Variants in TMEM154 observed in about 807,000 individuals in gnomAD.
The protein encoded by TMEM154 is transmembrane protein 154.
TMEM154 carries 27 observed loss-of-function variants against 24.5 expected under a neutral mutation model. The ratio of observed to expected loss-of-function variants is 1.10; its 90% confidence interval spans 0.81 to 1.52. TMEM154 has a LOEUF of 1.52. Among genes scored for constraint, TMEM154 ranks in the 40% most tolerant of loss-of-function variants. TMEM154 has a pLI of 0.00. For missense variants in TMEM154, 228 were observed against 213.4 expected (o/e 1.07, Z -0.43); for synonymous variants, 67 against 76.8 (o/e 0.87, Z 0.67).
At chr4:152,672,266 A>G (rs1387069057) in intron 1 of TMEM154, among the ~76,000 whole-genome samples, 2 of 152,112 alleles carry the variant, frequency 1.3e-5, no homozygotes, top group Non-Finnish European at 2.9e-5. Context: ...AGAAAAAAAA[A>G]GGGTTGTCAT....
At chr4:152,661,597 A>G (rs1271476341) in intron 1 of TMEM154, among the ~76,000 whole-genome samples, 1 of 152,048 alleles carries the variant, frequency 6.6e-6, no homozygotes, top group East Asian at 1.9e-4. Context: ...GTGACAAATA[A>G]CAGATGAGGG....
At position 152,620,305 on chromosome 4, in the gene TMEM154, A is replaced by T. The variant is rs1561039736; in HGVS notation, c.*8241T>A. The T allele has an allele frequency of 1.3e-5, 2 of 152,138 alleles. No individual in the cohort carries two copies. Among genetic ancestry groups the T allele is most frequent in the Non-Finnish European group, 2.9e-5 (2 of 68,024 alleles). The allele number at this position is 152,138 out of a possible 1,614,324, so 9.4% of individuals were successfully genotyped here. ...ACCTAGTGACCAAACCTTTACCAGC[A>T]CTTAGATTTTAAAACTAGGCTTTTT... On this transcript the variant is annotated 3_prime_UTR_variant, in exon 7 of 7. Transcript: ENST00000304385.
At position 152,628,572 on chromosome 4, in the gene TMEM154, A is replaced by T; in HGVS notation, c.537-11T>A. The T allele has an allele frequency of 8.3e-7, 1 of 1,207,770 alleles. No homozygotes were observed. The highest frequency in any genetic ancestry group is 1.4e-5 in the South Asian group (1 of 69,706). 74.8% of individuals were successfully genotyped at this position (1,207,770 alleles called of 1,614,324 possible). A position where few individuals can be genotyped will look rare whatever the true frequency, so the allele number is the denominator to read the frequency against. On this transcript the variant is annotated splice_polypyrimidine_tract_variant and intron_variant, in intron 6 of 6. Coordinates refer to ENST00000304385, the MANE Select transcript of TMEM154 (RefSeq NM_152680.3). ...TAGGATTCACTGTCACTGTAAAAAA[A>T]AAAAAAAAAAAAAAAAAAAACAAAA...
chr4:152,660,571 C>T (rs556797436), intron 1 of TMEM154, among the ~76,000 whole-genome samples: 79 of 152,192 alleles, frequency 5.2e-4, no homozygotes, highest in Non-Finnish European at 1.1e-3. Context: ...CACAACTTGC[C>T]CAAGATCACA....
At chr4:152,667,269 T>C (rs1233776876) in intron 1 of TMEM154, among the ~76,000 whole-genome samples, 2 of 152,240 alleles carry the variant, frequency 1.3e-5, no homozygotes, top group South Asian at 2.1e-4. Context: ...CTTTCTGTCA[T>C]ACATACACGG....
Position 152,644,437 on chromosome 4 carries a change from G to T in TMEM154, c.370C>A (p.Leu124Met), listed in dbSNP as rs781474302. 7 of 1,614,122 alleles carry T rather than the reference G, an allele frequency of 4.3e-6. No individual in the cohort carries two copies. The highest frequency in any genetic ancestry group is 5.9e-6 in the Non-Finnish European group (7 of 1,180,002). ...TACACTTTCACGTTTTCACTTCCCA[G>T]TTCATCTAAAAGGAAATGAACATAA... is the stretch of plus-strand genomic sequence containing the variant. ...GSQSALQTYE[L>M]GSENVKVPIF... Residue 124 changes from leucine (L) to methionine (M), a missense_variant, in exon 4 of 7, where the codon CTG (leucine) becomes ATG (methionine). Transcript: ENST00000304385.
At position 152,652,985 on chromosome 4, in the gene TMEM154, T is replaced by C. The variant is rs1728417641; in HGVS notation, c.65-58A>G. ...TGGAGACAAAGTTAGTATGTTATAT[T>C]GTCAATGATTTTTAAATTATTCCTA... On this transcript the variant is annotated intron_variant, in intron 1 of 6. Transcript: ENST00000304385. 8 of 1,473,478 alleles carry C rather than the reference T, an allele frequency of 5.4e-6. No homozygotes were observed. In the East Asian group the frequency reaches 1.8e-4, roughly 34 times the overall value. 91.3% of individuals were successfully genotyped at this position (1,473,478 alleles called of 1,614,324 possible).
At position 152,628,580 on chromosome 4, in the gene TMEM154, A is replaced by AAC; in HGVS notation, c.537-20_537-19insGT. 7.3e-6 allele frequency: 8 copies of AAC among 1,094,324 alleles called. No individual in the cohort carries two copies. In the African/African-American group the frequency reaches 1.1e-4, roughly 16 times the overall value. 67.8% of individuals were successfully genotyped at this position (1,094,324 alleles called of 1,614,324 possible). A position where few individuals can be genotyped will look rare whatever the true frequency, so the allele number is the denominator to read the frequency against. ...ACTGTCACTGTAAAAAAAAAAAAAA[A>AAC]AAAAAAAAAAAACAAAAAAAACACA... On this transcript the variant is annotated intron_variant, in intron 6 of 6. Transcript: ENST00000304385.
intron 3 of TMEM154, among the ~76,000 whole-genome samples, chr4:152,645,712 T>G (rs570396706): frequency 1.2e-4 from 18 of 152,338 alleles, no homozygotes; most frequent in Non-Finnish European, 2.1e-4. Context: ...AGCAGACACC[T>G]GGAACTGAGT....
At chr4:152,648,863 G>C (rs370548457) in intron 3 of TMEM154, among the ~76,000 whole-genome samples, 1 of 152,152 alleles carries the variant, frequency 6.6e-6, no homozygotes, top group East Asian at 1.9e-4. Flanking sequence ...GTTTGGGGAA[G>C]GAAATTATGA....
chr4:152,630,347 C>T (rs937070958), intron 6 of TMEM154, among the ~76,000 whole-genome samples: 4 of 138,434 alleles, frequency 2.9e-5, no homozygotes, highest in South Asian at 2.4e-4. Context: ...CATATCAAAA[C>T]GTATTTCAAA....
chr4:152,659,010 G>C (rs1426218714), intron 1 of TMEM154, among the ~76,000 whole-genome samples: 6 of 151,884 alleles, frequency 4.0e-5, no homozygotes, highest in Non-Finnish European at 2.9e-5. Flanking sequence ...CTCACTACTG[G>C]GTATTTATCC....
chr4:152,651,346 G>A (rs1284641166), intron 3 of TMEM154, among the ~76,000 whole-genome samples: 1 of 152,120 alleles, frequency 6.6e-6, no homozygotes, highest in East Asian at 1.9e-4. Context: ...ACAGAGGACT[G>A]TTTCATCTAC....
At chr4:152,642,833 T>C (rs1752283526) in intron 5 of TMEM154, among the ~76,000 whole-genome samples, 1 of 152,234 alleles carries the variant, frequency 6.6e-6, no homozygotes, top group African/African-American at 2.4e-5. Flanking sequence ...AGAGATTTCC[T>C]TTCTTGAATA....
chr4:152,643,790 G>A (rs1027832630), intron 4 of TMEM154, among the ~76,000 whole-genome samples: 4 of 152,158 alleles, frequency 2.6e-5, no homozygotes, highest in Admixed American at 6.5e-5. Context: ...CAGCGTAGGC[G>A]GTACACTGCG....
intron 1 of TMEM154, among the ~76,000 whole-genome samples, chr4:152,663,562 T>A (rs1000445113): frequency 2.6e-5 from 4 of 152,248 alleles, no homozygotes; most frequent in African/African-American, 9.6e-5. Context: ...CCTCATAAGC[T>A]GCAGATTTGG....
intron 1 of TMEM154, among the ~76,000 whole-genome samples, chr4:152,672,565 T>C (rs1427441518): frequency 6.6e-6 from 1 of 152,190 alleles, no homozygotes; most frequent in Non-Finnish European, 1.5e-5. Flanking sequence ...AATCTGTACC[T>C]GACACAGTAG....
Position 152,635,659 on chromosome 4 carries a change from A to G in TMEM154, c.536+5269T>C, listed in dbSNP as rs145087500. 2.0e-4 allele frequency among the ~76,000 whole-genome samples: 30 copies of G among 151,794 alleles called. No homozygotes were observed. In the East Asian group the frequency reaches 5.6e-3, roughly 28 times the overall value. Reference sequence around the variant, plus strand: ...ATTTTTCCTGAAAAATAGTGAAGCAACTCCTTTTTATAATGACATCGAGCT... The same window carrying G: ...ATTTTTCCTGAAAAATAGTGAAGCAGCTCCTTTTTATAATGACATCGAGCT... On this transcript the variant is annotated intron_variant, in intron 6 of 6. Coordinates refer to ENST00000304385, the MANE Select transcript of TMEM154 (RefSeq NM_152680.3).
chr4:152,673,886 C>A (rs923935870), intron 1 of TMEM154, among the ~76,000 whole-genome samples: 2 of 151,952 alleles, frequency 1.3e-5, no homozygotes, highest in African/African-American at 4.8e-5. Context: ...CTTTTGACTG[C>A]ACATTTGTGA....
Sources: allele counts gnomAD v4.1 joint callset (sites outside exome capture counted in the v4.1 genomes callset), GRCh38; gene constraint gnomAD v4.1.1; transcripts MANE v1.5; gene names NCBI Gene and HGNC (gene_info 2026-07-23, HGNC 2026-07-21).